BRWD1: variants seen among roughly 807,000 people sequenced by gnomAD.
BRWD1 encodes the protein bromodomain and WD repeat-containing protein 1.
A neutral mutation model predicts 251.2 loss-of-function variants in BRWD1; 82 were observed. The observed-to-expected ratio is 0.33, with a 90% CI of 0.27 to 0.39. The LOEUF (loss-of-function observed/expected upper bound fraction) is 0.39, where lower values mean the gene tolerates loss of function less well. Among genes scored for constraint, BRWD1 ranks in the 10% least tolerant of loss-of-function variants. The pLI is 1.00. For synonymous variants in BRWD1, 918 were observed against 902.8 expected (o/e 1.02, Z -0.30); for missense variants, 2,233 against 2,711.6 (o/e 0.82, Z 3.92).
chr21:39,198,919 C>G lies in BRWD1; in HGVS notation c.5497G>C (p.Glu1833Gln). Reference sequence around the variant, plus strand: ...TCCATTTTATGACATTTCCCATCTTCTCTATCTTGCTCTTCAGATTCAGAG... The same window carrying G: ...TCCATTTTATGACATTTCCCATCTTGTCTATCTTGCTCTTCAGATTCAGAG... ...EDSESEEQDREDGKCHKMEMN... is the reference protein window; with the variant it reads ...EDSESEEQDRQDGKCHKMEMN... Residue 1833 changes from glutamate (E) to glutamine (Q), a missense_variant, in exon 40 of 41, where the codon GAA becomes CAA. Transcript: ENST00000342449. The G allele has an allele frequency of 6.2e-7, 1 of 1,614,144 alleles. No individual in the cohort carries two copies. The highest frequency in any genetic ancestry group is 8.5e-7 in the Non-Finnish European group (1 of 1,180,020).
intron 29 of BRWD1, among the ~76,000 whole-genome samples, chr21:39,218,993 TTACA>T (rs1199137164): frequency 1.3e-5 from 2 of 152,054 alleles, no homozygotes; most frequent in African/African-American, 2.4e-5. Context: ...AATTTTAAGC[TTACA>T]TACAGTTAAA....
In BRWD1 at chr21:39,236,762, C is replaced by T. The variant is rs768355342; in HGVS notation, c.2599G>A (p.Asp867Asn). 1.1e-4 allele frequency: 184 copies of T among 1,613,382 alleles called. 2 individuals are homozygous for T. In the South Asian group the frequency reaches 1.2e-3, roughly 11 times the overall value. ...TTGATGCCCGCATCAGCTGTCCAAT[C>T]GGAATATCTAGATGAAGAGTCACTA... ...SSSDSSSRYS[D>N]WTADAGINLQ... The change falls in exon 23 of 41, where the codon GAT becomes AAT. Residue 867 changes from aspartate to asparagine, a missense_variant. This residue lies in a region of BRWD1 where 214 missense variants were observed against 222.0 expected (regional missense o/e 0.96). Transcript: ENST00000342449.
chr21:39,264,827 A>G (rs2146654346), intron 16 of BRWD1, 64 bp downstream of exon 16: 1 of 1,572,470 alleles, frequency 6.4e-7, no homozygotes, highest in Non-Finnish European at 8.7e-7. Context: ...GCTCATAACT[A>G]CTTATTTCCA....
At chr21:39,243,984 A>C (rs1261932237) in intron 21 of BRWD1, among the ~76,000 whole-genome samples, 1 of 152,154 alleles carries the variant, frequency 6.6e-6, no homozygotes, top group African/African-American at 2.4e-5. Flanking sequence ...GGCATTCAAT[A>C]AATTTTTTTT....
intron 4 of BRWD1, among the ~76,000 whole-genome samples, chr21:39,301,346 AT>A (rs1568971187): frequency 1.3e-5 from 2 of 152,296 alleles, no homozygotes; most frequent in Admixed American, 6.5e-5. Context: ...TTAGGTTACA[AT>A]TGTGACTTCT....
intron 8 of BRWD1, among the ~76,000 whole-genome samples, chr21:39,282,276 T>A (rs1040763529): frequency 6.6e-6 from 1 of 151,486 alleles, no homozygotes; most frequent in African/African-American, 2.4e-5. Context: ...TCAAGAAACA[T>A]TCAAGACAAA....
intron 10 of BRWD1, 141 bp downstream of exon 10, chr21:39,278,602 A>G (rs2146697023): frequency 1.7e-6 from 1 of 595,190 alleles, no homozygotes; most frequent in Non-Finnish European, 2.9e-6. Flanking sequence ...CTAACAAAAT[A>G]AACATCATAA....
At chr21:39,258,405 A>T in intron 18 of BRWD1, 82 bp downstream of exon 18, 1 of 1,199,742 alleles carries the variant, frequency 8.3e-7, no homozygotes, top group Non-Finnish European at 1.1e-6. Context: ...TTCTCACATT[A>T]CATGTACCTG....
At chr21:39,264,040 GA>G (rs1317759930) in intron 17 of BRWD1, among the ~76,000 whole-genome samples, 1 of 152,066 alleles carries the variant, frequency 6.6e-6, no homozygotes, top group African/African-American at 2.4e-5. Context: ...GTCAAAAACT[GA>G]CAACCTGCTC....
chr21:39,255,347 G>A (rs1048490477), intron 19 of BRWD1, among the ~76,000 whole-genome samples: 4 of 152,120 alleles, frequency 2.6e-5, no homozygotes, highest in Admixed American at 6.5e-5. Context: ...GGGAGGTGGA[G>A]GTTGCAGTGA....
At chr21:39,259,638 C>T (rs1228002474) in intron 17 of BRWD1, among the ~76,000 whole-genome samples, 3 of 151,986 alleles carry the variant, frequency 2.0e-5, no homozygotes, top group Admixed American at 6.6e-5. Context: ...AGGTGGATCA[C>T]TTGAGGTCAA....
chr21:39,230,941 T>C (rs1380174625), intron 25 of BRWD1, among the ~76,000 whole-genome samples: 7 of 152,118 alleles, frequency 4.6e-5, no homozygotes, highest in Admixed American at 1.3e-4. Flanking sequence ...GTTTGGGGGA[T>C]TACAAATAAA....
chr21:39,242,859 T>C (rs1401200150), intron 21 of BRWD1, among the ~76,000 whole-genome samples: 1 of 152,142 alleles, frequency 6.6e-6, no homozygotes, highest in African/African-American at 2.4e-5. Context: ...TACAGCATGG[T>C]TTACCAGATA....
At chr21:39,275,343 C>G (rs910421569) in intron 12 of BRWD1, among the ~76,000 whole-genome samples, 1 of 151,826 alleles carries the variant, frequency 6.6e-6, no homozygotes, top group Admixed American at 6.6e-5. Context: ...TTTAACTACC[C>G]AAACAAGAAA....
intron 4 of BRWD1, among the ~76,000 whole-genome samples, chr21:39,306,425 T>C (rs955716354): frequency 2.8e-4 from 43 of 152,122 alleles, no homozygotes; most frequent in African/African-American, 1.0e-3. Context: ...TGTTATTTAA[T>C]TGTAATTTTC....
upstream of BRWD1, chr21:39,314,018 G>C: frequency 2.2e-6 from 1 of 454,882 alleles, no homozygotes; most frequent in South Asian, 1.6e-5. Flanking sequence ...CCTCTACGCG[G>C]GACCGCAGGG....
intron 25 of BRWD1, among the ~76,000 whole-genome samples, chr21:39,230,772 C>T (rs1022509815): frequency 6.6e-6 from 1 of 151,358 alleles, no homozygotes. Flanking sequence ...ACTGAATAGA[C>T]CATGAAAAGG....
rs566098137 is a variant in BRWD1 at position 39,269,398 on chromosome 21, GC to G, written c.1530+500del. On this transcript the variant is annotated intron_variant, in intron 15 of 40. Coordinates refer to ENST00000342449, the MANE Select transcript of BRWD1 (RefSeq NM_033656.4). Reference sequence around the variant, plus strand: ...GCCCAGGCTGGACTTGAATTCCTGGGCTCAAGCAATCCTCCTGTCTCAGCCT... The same window carrying G: ...GCCCAGGCTGGACTTGAATTCCTGGGTCAAGCAATCCTCCTGTCTCAGCCT... Among the ~76,000 whole-genome samples the G allele has an allele frequency of 1.9e-3, 294 of 151,724 alleles. 1 individual carries two copies. Among genetic ancestry groups the G allele is most frequent in the African/African-American group, 6.8e-3 (281 of 41,354 alleles).
rs2036592320 is a variant in BRWD1 at position 39,313,503 on chromosome 21, GGGCGGGA to G, written c.-19_-13del. On this transcript the variant is annotated 5_prime_UTR_variant, in exon 1 of 41. Transcript: ENST00000342449. Reference sequence around the variant, plus strand: ...GACGGCTCCGCCATGGCCGGGCGCGGGGCGGGAGGCGGGAGCGAGCGAGCGAGCGGAG... The same window carrying G: ...GACGGCTCCGCCATGGCCGGGCGCGGGGCGGGAGCGAGCGAGCGAGCGGAG... 45 of 1,334,108 alleles carry G rather than the reference GGGCGGGA, an allele frequency of 3.4e-5. No homozygotes were observed. The highest frequency in any genetic ancestry group is 8.3e-5 in the Admixed American group (2 of 24,000). 82.6% of individuals were successfully genotyped at this position (1,334,108 alleles called of 1,614,324 possible).
Sources: gnomAD v4.1 joint callset for allele counts (sites outside exome capture counted in the v4.1 genomes callset) on GRCh38, gnomAD v4.1.1 for gene constraint, gnomAD v4.1.1 regional missense constraint, MANE v1.5 for transcripts, NCBI Gene and HGNC (gene_info 2026-07-23, HGNC 2026-07-21) for gene names.